Variants in ST7 observed in about 807,000 individuals in gnomAD.
ST7 encodes suppression of tumorigenicity 7.
ST7 carries 28 observed loss-of-function variants against 78.7 expected under a neutral mutation model. The ratio of observed to expected loss-of-function variants is 0.36; its 90% CI spans 0.26 to 0.49. The LOEUF (loss-of-function observed/expected upper bound fraction) is 0.49. Ranked by LOEUF, ST7 falls within the 20% of genes least tolerant of loss-of-function variation. The pLI, the probability that ST7 is intolerant of heterozygous loss-of-function variation, is 0.99. For missense variants in ST7, 418 were observed against 696.0 expected (o/e 0.60, Z 4.49); for synonymous variants, 247 against 249.6 (o/e 0.99, Z 0.10).
chr7:116,972,631 A>G (rs765689922), intron 1 of ST7: 41 of 1,263,408 alleles, frequency 3.2e-5, no homozygotes, highest in East Asian at 2.3e-4. Context: ...CTGGTTTTCA[A>G]TAAACTTCAT....
intron 1 of ST7, chr7:116,972,361 T>A: frequency 1.6e-6 from 1 of 632,652 alleles, no homozygotes; most frequent in Non-Finnish European, 2.9e-6. Context: ...TTTCTCATAT[T>A]TGTCTTCTTT....
chr7:117,208,852 C>T (rs1584608039), intron 12 of ST7, among the ~76,000 whole-genome samples: 1 of 150,614 alleles, frequency 6.6e-6, no homozygotes, highest in African/African-American at 2.5e-5. Context: ...ATTGCATGGG[C>T]TGTTGTTATG....
At chr7:117,095,816 C>A (rs971953891) in intron 1 of ST7, among the ~76,000 whole-genome samples, 2 of 151,808 alleles carry the variant, frequency 1.3e-5, no homozygotes, top group African/African-American at 4.8e-5. Context: ...ACCTGTAATC[C>A]CAACAATTTG....
intron 1 of ST7, among the ~76,000 whole-genome samples, chr7:116,961,122 G>C (rs1387535982): frequency 6.6e-6 from 1 of 152,130 alleles, no homozygotes; most frequent in African/African-American, 2.4e-5. Context: ...ATAGTTGTAG[G>C]TGTGCAGCAT....
intron 1 of ST7, among the ~76,000 whole-genome samples, chr7:117,032,469 C>G (rs963054482): frequency 6.6e-6 from 1 of 151,962 alleles, no homozygotes; most frequent in Admixed American, 6.6e-5. Flanking sequence ...AGTTATCGAC[C>G]TTTTTGAGAC....
intron 6 of ST7, among the ~76,000 whole-genome samples, chr7:117,133,551 T>C (rs1321340288): frequency 2.0e-5 from 3 of 151,872 alleles, no homozygotes; most frequent in African/African-American, 7.2e-5. Flanking sequence ...CTTGTTTTGA[T>C]GTTATTATGT....
At chr7:117,104,151 A>T (rs1169248476) in intron 2 of ST7, among the ~76,000 whole-genome samples, 5 of 152,066 alleles carry the variant, frequency 3.3e-5, no homozygotes. Flanking sequence ...TTGTAAGAAG[A>T]AAGGGTGTGG....
chr7:116,993,914 A>C (rs1442339972), intron 1 of ST7, among the ~76,000 whole-genome samples: 1 of 152,258 alleles, frequency 6.6e-6, no homozygotes, highest in Non-Finnish European at 1.5e-5. Context: ...AGGTAGCAGA[A>C]ATACTAAAAG....
At chr7:117,203,220 C>G (rs1045628644) in intron 12 of ST7, among the ~76,000 whole-genome samples, 14 of 152,318 alleles carry the variant, frequency 9.2e-5, no homozygotes, top group African/African-American at 3.4e-4. Context: ...CTACTTCACT[C>G]CTTTGGAGAG....
intron 3 of ST7, among the ~76,000 whole-genome samples, chr7:117,127,673 T>C (rs999278399): frequency 1.3e-5 from 2 of 151,932 alleles, no homozygotes; most frequent in African/African-American, 4.8e-5. Flanking sequence ...GCAGCACACA[T>C]ATATGACACC....
intron 1 of ST7, chr7:116,954,606 A>C (rs905454596): frequency 2.6e-5 from 4 of 152,292 alleles, no homozygotes. Context: ...GAGCCTTAAC[A>C]CTCCAGAGAG....
rs1166797236 is a variant in ST7, at chr7:117,119,600, T to G, written c.274T>G (p.Phe92Val). Residue 92 changes from phenylalanine (F) to valine (V), a missense_variant, in exon 3 of 16, where the codon TTC becomes GTC. This residue lies in a region of ST7 where 23 missense variants were observed against 67.7 expected (regional missense o/e 0.34). Coordinates refer to ENST00000323984, the MANE Select transcript of ST7 (RefSeq NM_001369598.1). ...WWYFRKYGTS[F>V]IEQVSVSHLR... is the part of the protein sequence containing the mutation. ...GTATTTTCGCAAATACGGAACTTCA[T>G]TCATTGAACAAGTCTCAGTAAGCCA... is the stretch of plus-strand genomic sequence containing the variant. 1 of 1,612,804 alleles carries G rather than the reference T, an allele frequency of 6.2e-7. No homozygotes were observed. Among genetic ancestry groups the G allele is most frequent in the Non-Finnish European group, 8.5e-7 (1 of 1,179,804 alleles).
intron 1 of ST7, among the ~76,000 whole-genome samples, chr7:117,005,171 A>G (rs1479241422): frequency 6.6e-6 from 1 of 152,194 alleles, no homozygotes; most frequent in African/African-American, 2.4e-5. Flanking sequence ...GGTCTGTCAA[A>G]TCTAATTTTA....
chr7:116,956,569 C>G (rs1038285743), intron 1 of ST7: 2 of 471,074 alleles, frequency 4.2e-6, no homozygotes, highest in African/African-American at 4.0e-5. Flanking sequence ...ATCAGGCAGC[C>G]AGGAGCCAGG....
intron 1 of ST7, among the ~76,000 whole-genome samples, chr7:117,047,473 C>T (rs1257686211): frequency 2.0e-5 from 3 of 152,074 alleles, no homozygotes; most frequent in Non-Finnish European, 4.4e-5. Flanking sequence ...ATATGGTATT[C>T]ACATGATATA....
At chr7:117,042,332 T>C (rs976193286) in intron 1 of ST7, among the ~76,000 whole-genome samples, 26 of 152,332 alleles carry the variant, frequency 1.7e-4, no homozygotes, top group African/African-American at 5.3e-4. Flanking sequence ...TACAAGTCTT[T>C]GTGAATATAC....
intron 1 of ST7, among the ~76,000 whole-genome samples, chr7:117,096,211 ACTTTGATGAAG>A (rs1462973109): frequency 1.3e-5 from 2 of 151,490 alleles, no homozygotes; most frequent in African/African-American, 4.9e-5. Context: ...ATTGCTAATG[ACTTTGATGAAG>A]CTAGGCAAGA....
In ST7 at chr7:117,057,891, C is replaced by T. The variant is rs561625479; in HGVS notation, c.152-41871C>T. Among the ~76,000 whole-genome samples, 3 of 152,026 alleles carry T rather than the reference C, an allele frequency of 2.0e-5. No individual in the cohort carries two copies. The South Asian group carries it at 6.2e-4, about 32-fold the overall frequency. On this transcript the variant is annotated intron_variant, in intron 1 of 15. Transcript: ENST00000323984. ...ATCCCTTTCTATTTTTTTCAGTTAC[C>T]ACCTGTAAAGTCTGGTAGTTATAGT...
chr7:117,035,790 A>G, intron 1 of ST7, among the ~76,000 whole-genome samples: 1 of 150,856 alleles, frequency 6.6e-6, no homozygotes, highest in East Asian at 2.0e-4. Flanking sequence ...AATGTACTCT[A>G]ATTTGTAGCT....
Sources: gnomAD v4.1 joint callset for allele counts (sites outside exome capture counted in the v4.1 genomes callset) on GRCh38, gnomAD v4.1.1 for gene constraint, gnomAD v4.1.1 regional missense constraint, MANE v1.5 for transcripts, NCBI Gene and HGNC (gene_info 2026-07-23, HGNC 2026-07-21) for gene names.